Variants in GRID2 observed in about 807,000 individuals in gnomAD.
The protein encoded by GRID2 is glutamate ionotropic receptor delta type subunit 2.
In GRID2, 33 loss-of-function variants were observed where a neutral mutation model predicts 114.8. The ratio of observed to expected loss-of-function variants is 0.29; its 90% CI spans 0.22 to 0.38. The LOEUF is 0.38. Ranked by LOEUF, GRID2 falls within the 10% of genes least tolerant of loss-of-function variation. The pLI is 1.00. For synonymous variants in GRID2, 505 were observed against 449.9 expected (o/e 1.12, Z -1.55); for missense variants, 1,184 against 1,257.7 (o/e 0.94, Z 0.89).
chr4:93,519,017 T>A (rs1318597708), intron 13 of GRID2, among the ~76,000 whole-genome samples: 2 of 152,140 alleles, frequency 1.3e-5, no homozygotes, highest in Non-Finnish European at 2.9e-5. Context: ...AGTGTCTGCA[T>A]CACGTGAGAG....
chr4:93,396,099 T>C (rs1269165925), intron 9 of GRID2, among the ~76,000 whole-genome samples: 1 of 151,976 alleles, frequency 6.6e-6, no homozygotes, highest in African/African-American at 2.4e-5. Context: ...CAATGGTAGA[T>C]TTGGTAAAAT....
rs376864477 is a variant in GRID2, at chr4:92,426,071, A to G, written c.88+121327A>G. ...ACTGCTGTATGCATAGTACAATGCA[A>G]TGAATACTTTATGATTCAAACACAC... On this transcript the variant is annotated intron_variant, in intron 1 of 15. Coordinates refer to ENST00000282020, the MANE Select transcript of GRID2 (RefSeq NM_001510.4). Among the ~76,000 whole-genome samples the G allele has an allele frequency of 5.2e-4, 79 of 152,250 alleles. 1 individual carries two copies. The South Asian group carries it at 0.016, about 30-fold the overall frequency.
chr4:92,847,586 T>C (rs1484298834), intron 2 of GRID2, among the ~76,000 whole-genome samples: 1 of 152,108 alleles, frequency 6.6e-6, no homozygotes, highest in Admixed American at 6.6e-5. Flanking sequence ...AAGAGATGTC[T>C]TCTACTTCAG....
chr4:93,072,339 G>C (rs1256797801), intron 2 of GRID2, among the ~76,000 whole-genome samples: 2 of 152,100 alleles, frequency 1.3e-5, no homozygotes, highest in African/African-American at 4.8e-5. Context: ...ACACAGGCTA[G>C]GAAGAATCAC....
intron 1 of GRID2, among the ~76,000 whole-genome samples, chr4:92,341,843 A>C (rs1002415986): frequency 6.6e-5 from 10 of 151,254 alleles, no homozygotes; most frequent in Admixed American, 2.6e-4. Flanking sequence ...TGAACTCGGG[A>C]GGCAGAGCTT....
chr4:93,146,346 A>T (rs1736223169), intron 4 of GRID2, among the ~76,000 whole-genome samples: 1 of 152,208 alleles, frequency 6.6e-6, no homozygotes, highest in Admixed American at 6.5e-5. Flanking sequence ...TAAAGTTAAG[A>T]GGGCAATTCA....
chr4:92,633,128 A>G (rs62309162), intron 2 of GRID2, among the ~76,000 whole-genome samples: 7,166 of 152,192 alleles, frequency 0.047, 208 homozygotes, highest in East Asian at 0.094. Context: ...CAGGGCCATA[A>G]GCTCTTTCTG....
At chr4:92,611,452 C>T (rs1729740893) in intron 2 of GRID2, among the ~76,000 whole-genome samples, 1 of 151,496 alleles carries the variant, frequency 6.6e-6, no homozygotes, top group Non-Finnish European at 1.5e-5. Context: ...CATCCTTATG[C>T]CGTCATTTAA....
intron 2 of GRID2, among the ~76,000 whole-genome samples, chr4:93,072,627 A>T (rs546873699): frequency 6.6e-6 from 1 of 152,012 alleles, no homozygotes; most frequent in South Asian, 2.1e-4. Flanking sequence ...ATATATTGGA[A>T]ATTTTCTTGG....
At chr4:92,637,807 T>G (rs1731145362) in intron 2 of GRID2, among the ~76,000 whole-genome samples, 1 of 151,988 alleles carries the variant, frequency 6.6e-6, no homozygotes, top group Admixed American at 6.6e-5. Context: ...TAGTTCAGAC[T>G]TTTTTCCTTC....
At chr4:92,937,953 C>A (rs1452937051) in intron 2 of GRID2, among the ~76,000 whole-genome samples, 1 of 146,604 alleles carries the variant, frequency 6.8e-6, no homozygotes, top group Non-Finnish European at 1.5e-5. Context: ...CAATCTTTCA[C>A]CTTTAAATAT....
chr4:93,096,260 C>T (rs1471745926), intron 3 of GRID2, among the ~76,000 whole-genome samples: 2 of 151,990 alleles, frequency 1.3e-5, no homozygotes, highest in Non-Finnish European at 2.9e-5. Context: ...AGAATTAGAA[C>T]TCTTTTAGAG....
chr4:93,163,167 G>A (rs1737846481), intron 4 of GRID2, among the ~76,000 whole-genome samples: 2 of 151,134 alleles, frequency 1.3e-5, no homozygotes, highest in Admixed American at 6.6e-5. Flanking sequence ...ACATTTTTCT[G>A]TCAAGATGTG....
intron 2 of GRID2, among the ~76,000 whole-genome samples, chr4:92,824,530 C>A (rs900993147): frequency 6.6e-6 from 1 of 151,922 alleles, no homozygotes; most frequent in Admixed American, 6.6e-5. Flanking sequence ...TGAAAATAAA[C>A]TTTTATTATT....
intron 2 of GRID2, among the ~76,000 whole-genome samples, chr4:92,747,715 C>G (rs1247303282): frequency 6.6e-6 from 1 of 152,118 alleles, no homozygotes; most frequent in Non-Finnish European, 1.5e-5. Context: ...CCAGCTTAAT[C>G]CTACCCTGAT....
intron 1 of GRID2, among the ~76,000 whole-genome samples, chr4:92,430,670 G>A (rs993582623): frequency 6.6e-6 from 1 of 152,112 alleles, no homozygotes; most frequent in African/African-American, 2.4e-5. Flanking sequence ...GATAGGGATT[G>A]CATTGAATAT....
At chr4:92,307,817 ATCT>A (rs1172111845) in intron 1 of GRID2, among the ~76,000 whole-genome samples, 1 of 152,200 alleles carries the variant, frequency 6.6e-6, no homozygotes, top group Non-Finnish European at 1.5e-5. Flanking sequence ...TTCCATTGTG[ATCT>A]TCTTTGCCCC....
chr4:92,466,803 C>G (rs1721772996), intron 1 of GRID2, among the ~76,000 whole-genome samples: 1 of 151,184 alleles, frequency 6.6e-6, no homozygotes, highest in Admixed American at 6.6e-5. Flanking sequence ...ATATATCTAC[C>G]TAAATGATAC....
At chr4:92,755,782 T>A (rs961556017) in intron 2 of GRID2, among the ~76,000 whole-genome samples, 3 of 152,194 alleles carry the variant, frequency 2.0e-5, no homozygotes, top group African/African-American at 7.2e-5. Context: ...ATTCTGAGTG[T>A]ATATCATTGC....
Sources: allele counts gnomAD v4.1 joint callset (sites outside exome capture counted in the v4.1 genomes callset), GRCh38; gene constraint gnomAD v4.1.1; transcripts MANE v1.5; gene names NCBI Gene and HGNC (gene_info 2026-07-23, HGNC 2026-07-21).